Variants in PLAAT5 observed in about 807,000 individuals in gnomAD.
PLAAT5 encodes the protein Ca(2+)-independent N-acyltransferase.
In PLAAT5, 27 loss-of-function variants were observed where a neutral mutation model predicts 27.8. The ratio of observed to expected loss-of-function variants is 0.97; its 90% CI spans 0.72 to 1.34. The LOEUF (loss-of-function observed/expected upper bound fraction) is 1.34. Ranked by LOEUF, PLAAT5 falls within the 40% of genes most tolerant of loss-of-function variation. The pLI, the probability that PLAAT5 is intolerant of heterozygous loss-of-function variation, is 0.00. For missense variants in PLAAT5, 368 were observed against 343.8 expected, an observed-to-expected ratio of 1.07 and a Z score of -0.56; for synonymous variants, 125 against 136.1, an observed-to-expected ratio of 0.92 and a Z score of 0.57.
At chr11:63,468,897 G>A (rs2015937703) in intron 3 of PLAAT5, among the ~76,000 whole-genome samples, 2 of 152,022 alleles carry the variant, frequency 1.3e-5, no homozygotes, top group African/African-American at 4.8e-5. Context: ...AGTAGTGTGG[G>A]TGTGTGGACA....
rs2015732337 is a variant in PLAAT5, at chr11:63,462,030, T to C, written c.*1473A>G. On this transcript the variant is annotated 3_prime_UTR_variant, in exon 6 of 6. Coordinates refer to ENST00000540857, the MANE Select transcript of PLAAT5 (RefSeq NM_001146729.2). ...AGAAGTTACTAAACACTCCTTGGTG[T>C]GGAGGAGTTTTTTGTTAATGAAACA... The C allele has an allele frequency of 6.6e-6, 1 of 152,110 alleles. No homozygotes were observed. The highest frequency in any genetic ancestry group is 2.4e-5 in the African/African-American group (1 of 41,400). The allele number at this position is 152,110 out of a possible 1,614,324, so 9.4% of individuals were successfully genotyped here. A position where few individuals can be genotyped will look rare whatever the true frequency, so the allele number is the denominator to read the frequency against.
intron 3 of PLAAT5, among the ~76,000 whole-genome samples, chr11:63,485,808 CA>C (rs2016419444): frequency 6.6e-6 from 1 of 152,096 alleles, no homozygotes; most frequent in African/African-American, 2.4e-5. Flanking sequence ...TTCTGCACAG[CA>C]AAAGAAACAA....
intron 3 of PLAAT5, among the ~76,000 whole-genome samples, chr11:63,475,513 A>G (rs2016131716): frequency 6.6e-6 from 1 of 152,026 alleles, no homozygotes. Context: ...TTAGATCTAA[A>G]GTGTGCCTCT....
chr11:63,488,237 T>C (rs2016482698), intron 3 of PLAAT5, among the ~76,000 whole-genome samples: 1 of 152,180 alleles, frequency 6.6e-6, no homozygotes, highest in Admixed American at 6.5e-5. Context: ...TGAACACATC[T>C]ATGGTGACAA....
chr11:63,477,427 ACAG>A (rs1327613775), intron 3 of PLAAT5, among the ~76,000 whole-genome samples: 3 of 151,860 alleles, frequency 2.0e-5, no homozygotes, highest in African/African-American at 7.3e-5. Flanking sequence ...TGTTTGTCTC[ACAG>A]CATGTAACCA....
At chr11:63,466,830 G>T (rs924514015) in intron 4 of PLAAT5, among the ~76,000 whole-genome samples, 3 of 152,148 alleles carry the variant, frequency 2.0e-5, no homozygotes, top group Non-Finnish European at 2.9e-5. Flanking sequence ...GGACACAGGG[G>T]AAGCCAGCCA....
At chr11:63,482,735 A>G (rs1320132549) in intron 3 of PLAAT5, among the ~76,000 whole-genome samples, 1 of 152,198 alleles carries the variant, frequency 6.6e-6, no homozygotes, top group Non-Finnish European at 1.5e-5. Context: ...CAACTAGCAC[A>G]ATGATTAAAA....
intron 3 of PLAAT5, chr11:63,470,396 T>C (rs752071236): frequency 1.2e-5 from 2 of 162,822 alleles, no homozygotes; most frequent in African/African-American, 2.4e-5. Flanking sequence ...ACTCTTATTA[T>C]ACATAAGAGA....
At chr11:63,477,303 A>G (rs1386870210) in intron 3 of PLAAT5, among the ~76,000 whole-genome samples, 3 of 152,048 alleles carry the variant, frequency 2.0e-5, no homozygotes, top group African/African-American at 7.2e-5. Flanking sequence ...AACATACCGT[A>G]GCAACTGTGG....
chr11:63,472,616 C>G (rs1455629743), intron 3 of PLAAT5, among the ~76,000 whole-genome samples: 1 of 152,172 alleles, frequency 6.6e-6, no homozygotes, highest in Non-Finnish European at 1.5e-5. Flanking sequence ...GTACTTAAAT[C>G]TTCAATCTCC....
At chr11:63,478,358 T>G (rs1033346909) in intron 3 of PLAAT5, among the ~76,000 whole-genome samples, 1 of 152,062 alleles carries the variant, frequency 6.6e-6, no homozygotes, top group African/African-American at 2.4e-5. Context: ...TCTTGCTCTG[T>G]TACCCAGGCT....
chr11:63,485,047 TAA>T (rs879922311), intron 3 of PLAAT5, among the ~76,000 whole-genome samples: 3 of 141,044 alleles, frequency 2.1e-5, no homozygotes, highest in Non-Finnish European at 3.1e-5. Context: ...AAAACAGCTG[TAA>T]AAAAAAAAAA....
intron 3 of PLAAT5, among the ~76,000 whole-genome samples, chr11:63,480,745 C>G (rs2016264038): frequency 6.6e-6 from 1 of 152,138 alleles, no homozygotes; most frequent in South Asian, 2.1e-4. Flanking sequence ...TCCCATCCTT[C>G]CCTTTTTCTT....
At chr11:63,490,419 G>C (rs2016535861) in intron 1 of PLAAT5, 86 bp from the exon 2 acceptor site, 1 of 1,607,332 alleles carries the variant, frequency 6.2e-7, no homozygotes, top group Non-Finnish European at 8.5e-7. Context: ...TGGGCTCAGA[G>C]CTCTAGTCTA....
In PLAAT5 at chr11:63,468,343, C is replaced by CTATTCACT. The variant is rs760944262; in HGVS notation, c.454+6_454+13dup. 231 of 1,558,630 alleles carry CTATTCACT rather than the reference C, an allele frequency of 1.5e-4. No homozygotes were observed. The highest frequency in any genetic ancestry group is 1.8e-4 in the Non-Finnish European group (207 of 1,129,738). On this transcript the variant is annotated intron_variant, in intron 4 of 5. Coordinates refer to ENST00000540857, the MANE Select transcript of PLAAT5 (RefSeq NM_001146729.2). ...ACTTCAATATCAGTATTTCAATAGA[C>CTATTCACT]TATTCACTCTTACTTGGGGGAGCCA... is the stretch of plus-strand genomic sequence containing the variant.
chr11:63,466,090 CA>C lies in PLAAT5; in HGVS notation c.717+19del. The C allele has an allele frequency of 1.9e-6, 3 of 1,607,790 alleles. No individual in the cohort carries two copies. Among genetic ancestry groups the C allele is most frequent in the Non-Finnish European group, 2.6e-6 (3 of 1,176,386 alleles). The stretch of plus-strand genomic sequence containing the variant: ...AGAAAGCTCTGGAAGAAGCCATCAT[CA>C]GAGCAAATGGGGTCACACCTGCTGG... On this transcript the variant is annotated intron_variant, in intron 5 of 5. Transcript: ENST00000540857.
At chr11:63,484,847 TC>T (rs1205819286) in intron 3 of PLAAT5, among the ~76,000 whole-genome samples, 1 of 152,158 alleles carries the variant, frequency 6.6e-6, no homozygotes, top group Non-Finnish European at 1.5e-5. Flanking sequence ...AAAAAGGAAG[TC>T]AAACTGTTGC....
intron 3 of PLAAT5, among the ~76,000 whole-genome samples, chr11:63,481,091 A>C (rs980956570): frequency 6.6e-6 from 1 of 152,212 alleles, no homozygotes; most frequent in African/African-American, 2.4e-5. Context: ...TGTCTTAAAA[A>C]ATTGCTTTAA....
intron 3 of PLAAT5, among the ~76,000 whole-genome samples, chr11:63,474,546 T>C (rs1026104682): frequency 2.0e-5 from 3 of 152,156 alleles, no homozygotes; most frequent in Non-Finnish European, 4.4e-5. Flanking sequence ...GCAATTTGAG[T>C]GCTCTCTCTT....
Sources: gnomAD v4.1 joint callset for allele counts (sites outside exome capture counted in the v4.1 genomes callset) on GRCh38, gnomAD v4.1.1 for gene constraint, MANE v1.5 for transcripts, NCBI Gene and HGNC (gene_info 2026-07-23, HGNC 2026-07-21) for gene names.